Variants in ABCA1 observed in about 807,000 individuals in gnomAD.
The protein encoded by ABCA1 is ATP binding cassette subfamily A member 1, also known as phospholipid-transporting ATPase ABCA1.
ABCA1 carries 133 observed loss-of-function variants against 262.5 expected under a neutral mutation model. The ratio of observed to expected loss-of-function variants is 0.51; its 90% CI spans 0.44 to 0.59. The LOEUF (loss-of-function observed/expected upper bound fraction) is 0.59, where lower values mean the gene tolerates loss of function less well. Among genes scored for constraint, ABCA1 ranks in the 20% least tolerant of loss-of-function variants. The pLI, the probability that ABCA1 is intolerant of heterozygous loss-of-function variation, is 0.00. For synonymous variants in ABCA1, 1,022 were observed against 1,043.5 expected (o/e 0.98, Z 0.40); for missense variants, 2,452 against 2,777.5 (o/e 0.88, Z 2.63).
chr9:104,784,896 A>G (rs1439579823), intron 49 of ABCA1, among the ~76,000 whole-genome samples: 1 of 152,142 alleles, frequency 6.6e-6, no homozygotes, highest in Non-Finnish European at 1.5e-5. Flanking sequence ...CCTGCTCCTC[A>G]GCCTCCCAAA....
intron 1 of ABCA1, among the ~76,000 whole-genome samples, chr9:104,920,885 G>A (rs1221710032): frequency 2.0e-5 from 3 of 152,144 alleles, no homozygotes; most frequent in East Asian, 1.9e-4. Flanking sequence ...ATATTATACG[G>A]TTCACATTAT....
intron 5 of ABCA1, among the ~76,000 whole-genome samples, chr9:104,870,660 G>A (rs1837524275): frequency 6.6e-6 from 1 of 151,518 alleles, no homozygotes. Flanking sequence ...CAGATACCAT[G>A]AGTTTCATGT....
intron 1 of ABCA1, among the ~76,000 whole-genome samples, chr9:104,913,493 T>C (rs1293777945): frequency 6.6e-6 from 1 of 152,216 alleles, no homozygotes; most frequent in Non-Finnish European, 1.5e-5. Flanking sequence ...CAGTGAAGTA[T>C]TCATCAAGGG....
intron 5 of ABCA1, among the ~76,000 whole-genome samples, chr9:104,867,786 C>T (rs1261402244): frequency 1.3e-5 from 2 of 152,178 alleles, no homozygotes; most frequent in East Asian, 3.8e-4. Flanking sequence ...GGACGAAAGA[C>T]CAATCATTCC....
chr9:104,834,555 T>A (rs992659461), intron 11 of ABCA1, among the ~76,000 whole-genome samples: 7 of 148,376 alleles, frequency 4.7e-5, no homozygotes, highest in Non-Finnish European at 5.9e-5. Flanking sequence ...CTGCCCAGTA[T>A]GGTTTCTGAA....
chr9:104,901,978 T>C (rs1840704000), intron 2 of ABCA1, among the ~76,000 whole-genome samples: 1 of 152,166 alleles, frequency 6.6e-6, no homozygotes, highest in African/African-American at 2.4e-5. Flanking sequence ...TTATCTATTA[T>C]ACTTTACAAT....
At chr9:104,915,947 A>T (rs940340854) in intron 1 of ABCA1, among the ~76,000 whole-genome samples, 1 of 152,312 alleles carries the variant, frequency 6.6e-6, no homozygotes, top group South Asian at 2.1e-4. Context: ...GACTCCAGGG[A>T]CATATCCACT....
Position 104,858,542 on chromosome 9 carries a change from C to A in ABCA1, c.700G>T (p.Asp234Tyr). The change falls in exon 7 of 50, where the codon GAC (aspartate) becomes TAC (tyrosine). Residue 234 changes from aspartate (D) to tyrosine (Y), a missense_variant. Transcript: ENST00000374736. ...CTCACCAGGATTGGCTTCAGGATGTCCATGTTGGAACGAAGTACTCGCTCT... is the reference window on the plus strand; with the variant it reads ...CTCACCAGGATTGGCTTCAGGATGTACATGTTGGAACGAAGTACTCGCTCT... ...AAERVLRSNMDILKPILRTLN... is the reference protein window; with the variant it reads ...AAERVLRSNMYILKPILRTLN... The A allele has an allele frequency of 6.2e-7, 1 of 1,614,050 alleles. No individual in the cohort carries two copies. Among genetic ancestry groups the A allele is most frequent in the Non-Finnish European group, 8.5e-7 (1 of 1,180,036 alleles).
chr9:104,843,763 C>T (rs34390877), intron 8 of ABCA1, among the ~76,000 whole-genome samples: 13,236 of 152,154 alleles, frequency 0.087, 642 homozygotes, highest in Middle Eastern at 0.13. Flanking sequence ...ACTTTCCACA[C>T]GCTGACTGGA....
At chr9:104,806,021 C>T (rs1273809519) in intron 31 of ABCA1, among the ~76,000 whole-genome samples, 1 of 152,106 alleles carries the variant, frequency 6.6e-6, no homozygotes, top group Non-Finnish European at 1.5e-5. Flanking sequence ...AGGAGAATCG[C>T]TTGAACCTGG....
intron 43 of ABCA1, among the ~76,000 whole-genome samples, chr9:104,791,430 C>T (rs572712389): frequency 1.3e-5 from 2 of 152,206 alleles, no homozygotes; most frequent in African/African-American, 4.8e-5. Flanking sequence ...TTTAGATGTG[C>T]GTGCTTTTTC....
At chr9:104,891,834 G>A (rs1404540427) in intron 2 of ABCA1, among the ~76,000 whole-genome samples, 3 of 151,592 alleles carry the variant, frequency 2.0e-5, no homozygotes, top group South Asian at 2.1e-4. Context: ...GCGTGGTGGT[G>A]CATGCCTGTA....
At chr9:104,875,855 AC>A (rs1564226004) in intron 5 of ABCA1, among the ~76,000 whole-genome samples, 2 of 152,038 alleles carry the variant, frequency 1.3e-5, no homozygotes, top group African/African-American at 4.8e-5. Context: ...GTGTGTATGT[AC>A]CCCCAGAAAC....
intron 18 of ABCA1, among the ~76,000 whole-genome samples, chr9:104,823,343 C>T (rs1268659722): frequency 2.0e-5 from 3 of 152,056 alleles, no homozygotes; most frequent in South Asian, 2.1e-4. Context: ...CACAAATGAG[C>T]GCACATAAAG....
In ABCA1 at chr9:104,819,624, C is replaced by T. The variant is rs778885878; in HGVS notation, c.3203G>A (p.Arg1068His). Residue 1068 changes from arginine to histidine, a missense_variant, in exon 22 of 50, where the codon CGC becomes CAC. Arg to His is a conservative substitution (Grantham distance 29, BLOSUM62 0). This residue lies in a region of ABCA1 where 665 missense variants were observed against 727.3 expected (regional missense o/e 0.91). Coordinates refer to ENST00000374736, the MANE Select transcript of ABCA1 (RefSeq NM_005502.4). ...EPTAGVDPYS[R>H]RGIWELLLKY... ...CAGCAGCAGCTCCCATATTCCCCTG[C>T]GGGAGTAAGGGTCCACACCAGCTGT... The T allele has an allele frequency of 3.7e-6, 6 of 1,614,170 alleles. No homozygotes were observed. Among genetic ancestry groups the T allele is most frequent in the Non-Finnish European group, 4.2e-6 (5 of 1,180,036 alleles).
At position 104,862,684 on chromosome 9, in the gene ABCA1, C is replaced by CAGGGCAGGGCA. The variant is rs1836687330; in HGVS notation, c.422-885_422-884insTGCCCTGCCCT. Among the ~76,000 whole-genome samples, 3 of 8,846 alleles carry CAGGGCAGGGCA rather than the reference C, an allele frequency of 3.4e-4. 1 individual carries two copies. The highest frequency in any genetic ancestry group is 1.4e-3 in the African/African-American group (3 of 2,142). 5.8% of individuals were successfully genotyped at this position (8,846 alleles called of 152,430 possible). On this transcript the variant is annotated intron_variant, in intron 5 of 49. Transcript: ENST00000374736. ...CGGGCCGGGCCGGGCCGGGCCGGGC[C>CAGGGCAGGGCA]GGGCCGGGCCGGGCCGGCCCCCACC...
chr9:104,812,514 TCA>T (rs1831369653), intron 28 of ABCA1, 58 bp downstream of exon 28: 2 of 1,609,924 alleles, frequency 1.2e-6, no homozygotes, highest in Non-Finnish European at 1.7e-6. Flanking sequence ...CCTTCACTGG[TCA>T]CAGAGCCTGC....
At position 104,918,291 on chromosome 9, in the gene ABCA1, A is replaced by G. The variant is rs1417518258; in HGVS notation, c.-93+9644T>C. Among the ~76,000 whole-genome samples the G allele has an allele frequency of 1.1e-4, 16 of 152,344 alleles. No individual in the cohort carries two copies. In the East Asian group the frequency reaches 3.1e-3, roughly 29 times the overall value. ...CTTAAAGTAGAAGATGAAAACCTGT[A>G]GAGAGAGACTCATTTAACAGGTACC... On this transcript the variant is annotated intron_variant, in intron 1 of 49. Coordinates refer to ENST00000374736, the MANE Select transcript of ABCA1 (RefSeq NM_005502.4).
intron 19 of ABCA1, among the ~76,000 whole-genome samples, chr9:104,822,009 G>C (rs920697381): frequency 1.3e-5 from 2 of 152,126 alleles, no homozygotes; most frequent in African/African-American, 4.8e-5. Flanking sequence ...AATGGTTGAG[G>C]AATCGTGCTG....
Sources: gnomAD v4.1 joint callset for allele counts (sites outside exome capture counted in the v4.1 genomes callset) on GRCh38, gnomAD v4.1.1 for gene constraint, gnomAD v4.1.1 regional missense constraint, MANE v1.5 for transcripts, NCBI Gene and HGNC (gene_info 2026-07-23, HGNC 2026-07-21) for gene names.